GALNT17: variants seen among roughly 807,000 people sequenced by gnomAD.
GALNT17 encodes UDP-GalNAc:polypeptide N-acetylgalactosaminyltransferase-like 3.
A neutral mutation model predicts 63.7 loss-of-function variants in GALNT17; 29 were observed. That is an observed-to-expected ratio of 0.46 (90% CI 0.34 to 0.62). The LOEUF is 0.62. GALNT17 is among the 20% of genes least tolerant of loss of function. The pLI, the probability that GALNT17 is intolerant of heterozygous loss-of-function variation, is 0.01. For missense variants in GALNT17, 603 were observed against 799.6 expected (o/e 0.75, Z 2.97); for synonymous variants, 305 against 318.3 (o/e 0.96, Z 0.45).
At chr7:71,632,680 CCTT>C (rs1790469344) in intron 6 of GALNT17, among the ~76,000 whole-genome samples, 1 of 152,138 alleles carries the variant, frequency 6.6e-6, no homozygotes, top group Non-Finnish European at 1.5e-5. Flanking sequence ...GGTGGAAACT[CCTT>C]CTCTCAGGGC....
intron 1 of GALNT17, among the ~76,000 whole-genome samples, chr7:71,304,347 G>T (rs969568873): frequency 6.6e-6 from 1 of 152,310 alleles, no homozygotes; most frequent in African/African-American, 2.4e-5. Context: ...TCATCAGTGC[G>T]TATATAGAAA....
At chr7:71,456,181 G>T (rs1431705874) in intron 5 of GALNT17, among the ~76,000 whole-genome samples, 1 of 151,894 alleles carries the variant, frequency 6.6e-6, no homozygotes, top group Non-Finnish European at 1.5e-5. Flanking sequence ...GGGGGGCAGA[G>T]GTTGCAGTGA....
chr7:71,442,259 C>G (rs1013302112), intron 5 of GALNT17, among the ~76,000 whole-genome samples: 3 of 152,042 alleles, frequency 2.0e-5, no homozygotes, highest in South Asian at 4.1e-4. Flanking sequence ...TGCAATGGCC[C>G]GATCTCAGCT....
chr7:71,253,840 G>A lies in GALNT17; in HGVS notation c.239-81710G>A, dbSNP rs189301533. ...TGCCCAAGGTTTTGGATACAGGACCGTGACCCTTTCCACAGTACCATGAAT... is the reference window on the plus strand; with the variant it reads ...TGCCCAAGGTTTTGGATACAGGACCATGACCCTTTCCACAGTACCATGAAT... On this transcript the variant is annotated intron_variant, in intron 1 of 10. Coordinates refer to ENST00000333538, the MANE Select transcript of GALNT17 (RefSeq NM_022479.3). Among the ~76,000 whole-genome samples the A allele has an allele frequency of 1.1e-3, 169 of 152,266 alleles. 1 individual carries two copies. The highest frequency in any genetic ancestry group is 2.7e-3 in the Admixed American group (42 of 15,286).
intron 5 of GALNT17, among the ~76,000 whole-genome samples, chr7:71,558,453 TA>T (rs1351236259): frequency 6.6e-6 from 1 of 151,870 alleles, no homozygotes; most frequent in Admixed American, 6.6e-5. Flanking sequence ...GTTCATCTGT[TA>T]AAAAAAATCC....
intron 5 of GALNT17, among the ~76,000 whole-genome samples, chr7:71,565,330 C>G (rs1196453159): frequency 6.6e-6 from 1 of 152,074 alleles, no homozygotes; most frequent in Non-Finnish European, 1.5e-5. Context: ...TGAGAGGGAT[C>G]TGAAGAAGAG....
At chr7:71,609,964 A>G (rs1024262945) in intron 6 of GALNT17, among the ~76,000 whole-genome samples, 8 of 152,158 alleles carry the variant, frequency 5.3e-5, no homozygotes, top group African/African-American at 1.9e-4. Context: ...CATATAATTA[A>G]TAGACATTTT....
At chr7:71,656,705 A>G (rs1790833373) in intron 6 of GALNT17, among the ~76,000 whole-genome samples, 2 of 152,056 alleles carry the variant, frequency 1.3e-5, no homozygotes, top group East Asian at 1.9e-4. Context: ...AAGGAAGTGG[A>G]TGCAGTTGAG....
chr7:71,366,437 T>C (rs766536091), intron 2 of GALNT17, among the ~76,000 whole-genome samples: 1 of 152,012 alleles, frequency 6.6e-6, no homozygotes, highest in Non-Finnish European at 1.5e-5. Flanking sequence ...AAAAATTAGC[T>C]AGGCATGGTG....
chr7:71,408,890 A>G (rs1444671060), intron 3 of GALNT17, among the ~76,000 whole-genome samples: 2 of 151,136 alleles, frequency 1.3e-5, no homozygotes, highest in Non-Finnish European at 2.9e-5. Flanking sequence ...GTCTCTGTAT[A>G]TGTGTGTGTG....
At chr7:71,293,104 A>G (rs1053866164) in intron 1 of GALNT17, among the ~76,000 whole-genome samples, 1 of 152,188 alleles carries the variant, frequency 6.6e-6, no homozygotes, top group Non-Finnish European at 1.5e-5. Flanking sequence ...TTATCAATAC[A>G]TCTGCAAAAA....
intron 5 of GALNT17, among the ~76,000 whole-genome samples, chr7:71,521,733 G>A (rs1044005676): frequency 2.6e-5 from 4 of 152,156 alleles, no homozygotes; most frequent in Admixed American, 1.3e-4. Flanking sequence ...GATGCTTTTG[G>A]TGGCAGACTG....
chr7:71,711,699 TTC>T (rs199945781), intron 10 of GALNT17, among the ~76,000 whole-genome samples: 194 of 149,730 alleles, frequency 1.3e-3, no homozygotes, highest in African/African-American at 4.6e-3. Context: ...ATCTTCTCTC[TTC>T]TCTCTTCTCT....
chr7:71,145,833 G>A (rs1788012565), intron 1 of GALNT17, among the ~76,000 whole-genome samples: 1 of 152,120 alleles, frequency 6.6e-6, no homozygotes, highest in Non-Finnish European at 1.5e-5. Context: ...AGCCTGCTGA[G>A]TAGCTGGGAT....
intron 8 of GALNT17, 100 bp from the exon 9 acceptor site, chr7:71,677,111 C>G: frequency 8.5e-7 from 1 of 1,179,292 alleles, no homozygotes; most frequent in Non-Finnish European, 1.3e-6. Flanking sequence ...TGTTGTCTTC[C>G]CATCATGAAG....
In GALNT17 at chr7:71,206,283, C is replaced by A. The variant is rs79763998; in HGVS notation, c.238+73243C>A. Among the ~76,000 whole-genome samples the A allele has an allele frequency of 9.5e-3, 1,441 of 151,936 alleles. 22 individuals carry two copies. The highest frequency in any genetic ancestry group is 0.033 in the African/African-American group (1,378 of 41,426). ...AGCAGCACCTGGGCAGGGCACTTAA[C>A]CCGGTCTAGATCTCCCACCTTCCCC... is the stretch of plus-strand genomic sequence containing the variant. On this transcript the variant is annotated intron_variant, in intron 1 of 10. Coordinates refer to ENST00000333538, the MANE Select transcript of GALNT17 (RefSeq NM_022479.3).
chr7:71,645,609 G>A (rs1405843258), intron 6 of GALNT17, among the ~76,000 whole-genome samples: 1 of 152,158 alleles, frequency 6.6e-6, no homozygotes, highest in African/African-American at 2.4e-5. Flanking sequence ...AACTATTACA[G>A]ATGGTTATAG....
At chr7:71,455,329 G>A (rs149941618) in intron 5 of GALNT17, among the ~76,000 whole-genome samples, 25 of 152,200 alleles carry the variant, frequency 1.6e-4, no homozygotes, top group African/African-American at 5.8e-4. Flanking sequence ...GTTAGGGAGG[G>A]GGAGGTATAA....
chr7:71,531,512 G>A (rs953787250), intron 5 of GALNT17, among the ~76,000 whole-genome samples: 2 of 152,136 alleles, frequency 1.3e-5, no homozygotes, highest in Non-Finnish European at 2.9e-5. Flanking sequence ...CTTGTATGTG[G>A]CTTGACTCAG....
Sources: gnomAD v4.1 joint callset for allele counts (sites outside exome capture counted in the v4.1 genomes callset) on GRCh38, gnomAD v4.1.1 for gene constraint, MANE v1.5 for transcripts, NCBI Gene and HGNC (gene_info 2026-07-23, HGNC 2026-07-21) for gene names.